The following KRT28 variants were observed in gnomAD, a reference collection of about 807,000 sequenced individuals.
The protein encoded by KRT28 is keratin 28.
A neutral mutation model predicts 48.1 loss-of-function variants in KRT28; 45 were observed. The observed-to-expected ratio is 0.94, with a 90% CI of 0.74 to 1.20. The LOEUF is 1.20. Ranked by LOEUF, KRT28 falls within the 50% of genes most tolerant of loss-of-function variation. The pLI is 0.00. For synonymous variants in KRT28, 228 were observed against 227.4 expected (o/e 1.00, Z -0.03); for missense variants, 571 against 574.1 (o/e 0.99, Z 0.06).
At chr17:40,795,866 G>A (rs1904601466) in intron 5 of KRT28, among the ~76,000 whole-genome samples, 1 of 152,088 alleles carries the variant, frequency 6.6e-6, no homozygotes, top group Non-Finnish European at 1.5e-5. Context: ...ATCTAGTTCA[G>A]GGAAGAAGGG....
intron 5 of KRT28, 94 bp from the exon 6 acceptor site, chr17:40,794,140 G>T: frequency 1.4e-6 from 2 of 1,445,482 alleles, no homozygotes; most frequent in Non-Finnish European, 1.9e-6. Context: ...TGCTCCCTGG[G>T]CAATTGTGGA....
intron 5 of KRT28, among the ~76,000 whole-genome samples, chr17:40,796,689 G>A (rs1034365085): frequency 3.3e-5 from 5 of 152,258 alleles, no homozygotes; most frequent in South Asian, 2.1e-4. Context: ...TTCATGAAAT[G>A]AGCACTAAGC....
At chr17:40,793,693 A>G in intron 6 of KRT28, 136 bp downstream of exon 6, 1 of 806,376 alleles carries the variant, frequency 1.2e-6, no homozygotes, top group Admixed American at 2.5e-5. Flanking sequence ...CTCTCTTCCA[A>G]AAAAACAAGA....
chr17:40,797,417 C>T, intron 3 of KRT28, 136 bp from the exon 4 acceptor site: 1 of 793,338 alleles, frequency 1.3e-6, no homozygotes, highest in Non-Finnish European at 2.0e-6. Flanking sequence ...TTTTAATTGA[C>T]ATATTCGGTC....
intron 1 of KRT28, 122 bp from the exon 2 acceptor site, chr17:40,799,121 T>G: frequency 1.6e-6 from 1 of 615,456 alleles, no homozygotes; most frequent in Non-Finnish European, 2.8e-6. Context: ...TATGTAATAA[T>G]CAAAATGTTT....
chr17:40,796,821 G>A (rs562301280), intron 5 of KRT28, 95 bp downstream of exon 5: 4 of 1,456,124 alleles, frequency 2.7e-6, no homozygotes, highest in East Asian at 4.6e-5. Context: ...TGCAGGCAAA[G>A]GTATAATAGG....
chr17:40,792,338 G>T lies in KRT28; in HGVS notation c.*89C>A. Reference sequence around the variant, plus strand: ...TTTGCTAAGTAATGTATCTTTAAAAGTAAAAAGTGTGTATATTCTCTCTGA... The same window carrying T: ...TTTGCTAAGTAATGTATCTTTAAAATTAAAAAGTGTGTATATTCTCTCTGA... On this transcript the variant is annotated 3_prime_UTR_variant, in exon 8 of 8. Transcript: ENST00000306658. The T allele has an allele frequency of 3.7e-6, 4 of 1,068,744 alleles. No homozygotes were observed. Among genetic ancestry groups the T allele is most frequent in the East Asian group, 2.7e-5 (1 of 37,448 alleles). 66.2% of individuals were successfully genotyped at this position (1,068,744 alleles called of 1,614,324 possible).
In KRT28 at chr17:40,797,118, A is replaced by G; in HGVS notation, c.852+2T>C. On this transcript the variant is annotated splice_donor_variant, in intron 4 of 7. Transcript: ENST00000306658. LOFTEE classifies it high-confidence loss of function. ...TGAGCAGGGAGACGGGGCCCACCTC[A>G]CCTTCTCATTGAACCAGGCCTCCGC... 1 of 1,613,198 alleles carries G rather than the reference A, an allele frequency of 6.2e-7. No homozygotes were observed. Among genetic ancestry groups the G allele is most frequent in the Non-Finnish European group, 8.5e-7 (1 of 1,179,538 alleles).
chr17:40,796,452 G>A (rs1904615320), intron 5 of KRT28, among the ~76,000 whole-genome samples: 1 of 152,182 alleles, frequency 6.6e-6, no homozygotes, highest in Non-Finnish European at 1.5e-5. Context: ...ATTCAGGTGT[G>A]TACCCTCTCT....
intron 1 of KRT28, 113 bp downstream of exon 1, chr17:40,799,331 A>G: frequency 1.1e-6 from 1 of 893,944 alleles, no homozygotes; most frequent in African/African-American, 1.7e-5. Flanking sequence ...TTGTTTATCT[A>G]AATAAATAAA....
At position 40,799,728 on chromosome 17, in the gene KRT28, C is replaced by G. The variant is rs1597809207; in HGVS notation, c.166G>C (p.Val56Leu). Residue 56 changes from valine (V) to leucine (L), a missense_variant, in exon 1 of 8, where the codon GTT (valine) becomes CTT (leucine). Physicochemically the swap from Val to Leu is conservative, Grantham distance 32. Coordinates refer to ENST00000306658, the MANE Select transcript of KRT28 (RefSeq NM_181535.3). The part of the protein sequence containing the change: ...SCALGGGLGS[V>L]PGGSHAGGAL... ...CCACCAGCATGGCTCCCACCAGGAA[C>G]ACTGCCCAAGCCCCCTCCCAAGGCA... is the stretch of plus-strand genomic sequence containing the variant. The G allele has an allele frequency of 2.5e-6, 4 of 1,613,982 alleles. No individual in the cohort carries two copies. The highest frequency in any genetic ancestry group is 8.5e-7 in the Non-Finnish European group (1 of 1,180,022).
chr17:40,798,059 T>C lies in KRT28; in HGVS notation c.690+176A>G, dbSNP rs77577765. ...TGAGCGTGTGATATGTATTAATTCA[T>C]TGAAGCCTTTTAACATCCCCTCGTA... On this transcript the variant is annotated intron_variant, in intron 3 of 7. Transcript: ENST00000306658. 5.0e-3 allele frequency among the ~76,000 whole-genome samples: 756 copies of C among 152,338 alleles called. 3 individuals carry two copies. Among genetic ancestry groups the C allele is most frequent in the Non-Finnish European group, 8.3e-3 (568 of 68,030 alleles).
In KRT28 at chr17:40,797,253, C is replaced by G; in HGVS notation, c.719G>C (p.Gly240Ala). 1 of 1,614,022 alleles carries G rather than the reference C, an allele frequency of 6.2e-7. No individual in the cohort carries two copies. Among genetic ancestry groups the G allele is most frequent in the Non-Finnish European group, 8.5e-7 (1 of 1,179,940 alleles). The change falls in exon 4 of 8, where the codon GGG becomes GCG. Residue 240 changes from glycine (G) to alanine (A), a missense_variant. Gly to Ala is a moderately conservative substitution (Grantham distance 60, BLOSUM62 0). Coordinates refer to ENST00000306658, the MANE Select transcript of KRT28 (RefSeq NM_181535.3). ...EEMKALQCAA[G>A]GNVNVEMNAA... ...GTTCATCTCCACGTTCACGTTGCCC[C>G]CAGCCGCGCACTGCAGAGCCTTCAT...
Position 40,792,323 on chromosome 17 carries a change from A to T in KRT28, c.*104T>A, listed in dbSNP as rs1022198163. The stretch of plus-strand genomic sequence containing the variant: ...AAGAAAACAGGTATTTTTGCTAAGT[A>T]ATGTATCTTTAAAAGTAAAAAGTGT... On this transcript the variant is annotated 3_prime_UTR_variant, in exon 8 of 8. Transcript: ENST00000306658. 1.1e-6 allele frequency: 1 copy of T among 889,058 alleles called. No homozygotes were observed. Among genetic ancestry groups the T allele is most frequent in the Middle Eastern group, 3.4e-4 (1 of 2,928 alleles). 55.1% of individuals were successfully genotyped at this position (889,058 alleles called of 1,614,324 possible).
chr17:40,793,327 G>A, intron 6 of KRT28, 117 bp from the exon 7 acceptor site: 4 of 572,796 alleles, frequency 7.0e-6, no homozygotes, highest in Non-Finnish European at 8.9e-6. Flanking sequence ...TTTCTATAGA[G>A]GAAACTCTTA....
chr17:40,799,032 TAAGTA>T, intron 1 of KRT28, 33 bp from the exon 2 acceptor site: 1 of 1,260,334 alleles, frequency 7.9e-7, no homozygotes, highest in Non-Finnish European at 1.1e-6. Context: ...ACACAACAAG[TAAGTA>T]TGCTTTTATG....
intron 5 of KRT28, among the ~76,000 whole-genome samples, chr17:40,796,275 G>A (rs1222339766): frequency 6.6e-6 from 1 of 152,188 alleles, no homozygotes; most frequent in Admixed American, 6.5e-5. Context: ...ACTCTAGAAG[G>A]GAAGCCATTT....
At position 40,799,835 on chromosome 17, in the gene KRT28, G is replaced by T. The variant is rs1210316105; in HGVS notation, c.59C>A (p.Ser20Tyr). 6.8e-6 allele frequency: 11 copies of T among 1,613,884 alleles called. No homozygotes were observed. The highest frequency in any genetic ancestry group is 2.2e-5 in the South Asian group (2 of 91,088). The change falls in exon 1 of 8, where the codon TCT (serine) becomes TAT (tyrosine). Residue 20 changes from serine (S) to tyrosine (Y), a missense_variant. Physicochemically the swap from Ser to Tyr is moderately radical, Grantham distance 144 (BLOSUM62 -2). Coordinates refer to ENST00000306658, the MANE Select transcript of KRT28 (RefSeq NM_181535.3). ...RHVCLRSGAG[S>Y]VRPLNGGAGF... ...TGCACCTCCATTGAGGGGTCTGACA[G>T]ATCCAGCTCCAGACCTTAAGCAAAC...
intron 7 of KRT28, 107 bp downstream of exon 7, chr17:40,793,048 C>T (rs374424824): frequency 6.0e-6 from 4 of 668,468 alleles, no homozygotes; most frequent in Admixed American, 3.7e-5. Context: ...TGCAGTGAGC[C>T]GAGATAGCAC....
Sources: gnomAD v4.1 joint callset for allele counts (sites outside exome capture counted in the v4.1 genomes callset) on GRCh38, gnomAD v4.1.1 for gene constraint, MANE v1.5 for transcripts, NCBI Gene and HGNC (gene_info 2026-07-23, HGNC 2026-07-21) for gene names.